Variants in DOK6 observed in about 807,000 individuals in gnomAD.
DOK6 encodes the protein downstream of tyrosine kinase 6.
Under a neutral mutation model 44.0 loss-of-function variants are expected in DOK6, and 22 were observed. The observed-to-expected ratio is 0.50, with a 90% CI of 0.36 to 0.71. The LOEUF (loss-of-function observed/expected upper bound fraction) is 0.71. Among genes scored for constraint, DOK6 ranks in the 30% least tolerant of loss-of-function variants. The probability of loss-of-function intolerance (pLI) is 0.00; values close to 1 mark genes in which losing one functional copy is unlikely to be tolerated. For synonymous variants in DOK6, 166 were observed against 145.5 expected (o/e 1.14, Z -1.01); for missense variants, 340 against 416.4 (o/e 0.82, Z 1.60).
intron 4 of DOK6, among the ~76,000 whole-genome samples, chr18:69,687,327 A>G (rs973068000): frequency 2.6e-5 from 4 of 152,336 alleles, no homozygotes; most frequent in African/African-American, 9.6e-5. Flanking sequence ...ATTATAATTC[A>G]TCTGTAAAAA....
Position 69,473,389 on chromosome 18 carries a change from A to G in DOK6, c.66+72079A>G, listed in dbSNP as rs548377871. Reference sequence around the variant, plus strand: ...ACTTAAATATCAAAAAGATGTTAAAAGGTCCCATCAGTTTATATGATCACA... The same window carrying G: ...ACTTAAATATCAAAAAGATGTTAAAGGGTCCCATCAGTTTATATGATCACA... On this transcript the variant is annotated intron_variant, in intron 1 of 7. Coordinates refer to ENST00000382713, the MANE Select transcript of DOK6 (RefSeq NM_152721.6). 5.3e-5 allele frequency among the ~76,000 whole-genome samples: 8 copies of G among 152,378 alleles called. No homozygotes were observed. In the South Asian group the frequency reaches 1.7e-3, roughly 32 times the overall value.
intron 1 of DOK6, among the ~76,000 whole-genome samples, chr18:69,418,702 C>CTTAA (rs916105574): frequency 1.3e-4 from 19 of 151,836 alleles, no homozygotes; most frequent in African/African-American, 4.6e-4. Context: ...GAACTCCTAG[C>CTTAA]CTTAAGCAAT....
chr18:69,794,725 A>G (rs1046018224), intron 7 of DOK6, among the ~76,000 whole-genome samples: 4 of 152,174 alleles, frequency 2.6e-5, no homozygotes, highest in Non-Finnish European at 4.4e-5. Flanking sequence ...GTGAAGCTTC[A>G]TTTGTATTTG....
rs181578997 is a variant in DOK6 at position 69,787,172 on chromosome 18, C to T, written c.856+29299C>T. Among the ~76,000 whole-genome samples, 4 of 152,220 alleles carry T rather than the reference C, an allele frequency of 2.6e-5. No homozygotes were observed. In the South Asian group the frequency reaches 6.2e-4, roughly 24 times the overall value. Reference sequence around the variant, plus strand: ...CAGAGGTTGCAGTGAACTGAGATCACGCCACTGCATTCCAGGCTGGGCAAC... The same window carrying T: ...CAGAGGTTGCAGTGAACTGAGATCATGCCACTGCATTCCAGGCTGGGCAAC... On this transcript the variant is annotated intron_variant, in intron 7 of 7. Transcript: ENST00000382713.
intron 1 of DOK6, among the ~76,000 whole-genome samples, chr18:69,561,377 A>C (rs1251103492): frequency 6.6e-6 from 1 of 152,166 alleles, no homozygotes; most frequent in Non-Finnish European, 1.5e-5. Context: ...ACTTCATTTA[A>C]GTTCAAAAGC....
intron 1 of DOK6, among the ~76,000 whole-genome samples, chr18:69,459,654 T>C (rs535695843): frequency 6.6e-6 from 1 of 152,344 alleles, no homozygotes; most frequent in African/African-American, 2.4e-5. Context: ...TTTCTGTATT[T>C]ATATTCACCA....
chr18:69,545,972 A>G (rs1982392904), intron 1 of DOK6, among the ~76,000 whole-genome samples: 1 of 151,516 alleles, frequency 6.6e-6, no homozygotes, highest in South Asian at 2.1e-4. Flanking sequence ...GCATATATTC[A>G]TGTATATTAT....
At chr18:69,435,041 A>C (rs11664338) in intron 1 of DOK6, among the ~76,000 whole-genome samples, 13,358 of 42,478 alleles carry the variant, frequency 0.31, 1,076 homozygotes, top group South Asian at 0.38. Flanking sequence ...GAAGGAAGGA[A>C]GGAAGGAAGG....
chr18:69,787,165 G>A (rs1406686805), intron 7 of DOK6, among the ~76,000 whole-genome samples: 2 of 152,190 alleles, frequency 1.3e-5, no homozygotes, highest in East Asian at 3.8e-4. Flanking sequence ...GCAGTGAACT[G>A]AGATCACGCC....
intron 6 of DOK6, among the ~76,000 whole-genome samples, chr18:69,749,873 GAAGGTTGCAGTGAGCCACC>G (rs1475230870): frequency 6.6e-6 from 1 of 150,630 alleles, no homozygotes; most frequent in African/African-American, 2.4e-5. Flanking sequence ...CCTGGGAGGC[GAAGGTTGCAGTGAGCCACC>G]AAGACTGCGC....
At chr18:69,684,573 G>A (rs575761685) in intron 4 of DOK6, among the ~76,000 whole-genome samples, 1 of 151,910 alleles carries the variant, frequency 6.6e-6, no homozygotes, top group South Asian at 2.1e-4. Context: ...GCAACAAGAT[G>A]AAAAGAGTGG....
chr18:69,518,947 A>G (rs1811054455), intron 1 of DOK6, among the ~76,000 whole-genome samples: 1 of 152,068 alleles, frequency 6.6e-6, no homozygotes, highest in African/African-American at 2.4e-5. Context: ...GTTATTTTCT[A>G]CTGGTAGCAT....
At chr18:69,690,823 A>G (rs1986248197) in intron 4 of DOK6, among the ~76,000 whole-genome samples, 2 of 152,192 alleles carry the variant, frequency 1.3e-5, no homozygotes, top group East Asian at 1.9e-4. Flanking sequence ...CCTAAATACC[A>G]TTTAGTAGTT....
At chr18:69,448,157 C>T (rs949145516) in intron 1 of DOK6, among the ~76,000 whole-genome samples, 1 of 152,216 alleles carries the variant, frequency 6.6e-6, no homozygotes, top group African/African-American at 2.4e-5. Context: ...TAAAATGCCA[C>T]AGTGATTTCT....
chr18:69,537,640 C>T (rs943142484), intron 1 of DOK6, among the ~76,000 whole-genome samples: 14 of 152,130 alleles, frequency 9.2e-5, no homozygotes, highest in Non-Finnish European at 1.2e-4. Flanking sequence ...TGTTTCTAGA[C>T]GAGTTGGTGA....
intron 1 of DOK6, among the ~76,000 whole-genome samples, chr18:69,410,331 G>A (rs544568895): frequency 1.2e-4 from 18 of 152,348 alleles, no homozygotes; most frequent in Admixed American, 9.8e-4. Context: ...GTTGAGTGTA[G>A]GTTTGCTTTA....
At chr18:69,635,547 C>T (rs1160337027) in intron 3 of DOK6, among the ~76,000 whole-genome samples, 1 of 152,180 alleles carries the variant, frequency 6.6e-6, no homozygotes, top group South Asian at 2.1e-4. Flanking sequence ...TTAGACAACA[C>T]ACCCTCAGGA....
At chr18:69,734,418 GA>G (rs60810634) in intron 5 of DOK6, among the ~76,000 whole-genome samples, 2,388 of 87,478 alleles carry the variant, frequency 0.027, 60 homozygotes, top group African/African-American at 0.075. Context: ...AAAAAAAAAG[GA>G]AAATTCTAGC....
intron 7 of DOK6, among the ~76,000 whole-genome samples, chr18:69,822,290 C>A (rs1221212494): frequency 6.6e-6 from 1 of 152,150 alleles, no homozygotes; most frequent in Non-Finnish European, 1.5e-5. Flanking sequence ...AAATTTTACC[C>A]TACTTATAAG....
Sources: allele counts gnomAD v4.1 joint callset (sites outside exome capture counted in the v4.1 genomes callset), GRCh38; gene constraint gnomAD v4.1.1; transcripts MANE v1.5; gene names NCBI Gene and HGNC (gene_info 2026-07-23, HGNC 2026-07-21).